SUN3: variants seen among roughly 807,000 people sequenced by gnomAD.
The protein encoded by SUN3 is Sad1 and UNC84 domain containing 3.
A neutral mutation model predicts 48.2 loss-of-function variants in SUN3; 36 were observed. That is an observed-to-expected ratio of 0.75 (90% confidence interval 0.57 to 0.99). SUN3 has a LOEUF of 0.99. SUN3 is among the 50% of genes least tolerant of loss of function. The pLI, the probability that SUN3 is intolerant of heterozygous loss-of-function variation, is 0.00. For missense variants in SUN3, 419 were observed against 433.1 expected, an observed-to-expected ratio of 0.97 and a Z score of 0.29; for synonymous variants, 148 against 147.9, an observed-to-expected ratio of 1.00 and a Z score of 0.00.
At chr7:48,031,623 T>C (rs1259302128), upstream of SUN3, among the ~76,000 whole-genome samples, 2 of 152,228 alleles carry the variant, frequency 1.3e-5, no homozygotes, top group African/African-American at 2.4e-5. Context: ...ATACTCATTA[T>C]GAAAAACAGT....
chr7:48,024,930 T>C (rs1294285278), intron 2 of SUN3, among the ~76,000 whole-genome samples: 1 of 152,154 alleles, frequency 6.6e-6, no homozygotes, highest in Non-Finnish European at 1.5e-5. Context: ...AATTTCAACA[T>C]GAGGTTTGGG....
chr7:48,008,104 G>A (rs1308771596), intron 4 of SUN3, among the ~76,000 whole-genome samples: 7 of 152,090 alleles, frequency 4.6e-5, no homozygotes, highest in Non-Finnish European at 7.3e-5. Flanking sequence ...GATTACAGGC[G>A]TGAGCCACCA....
chr7:47,997,130 C>G (rs1352190598), intron 6 of SUN3, among the ~76,000 whole-genome samples: 1 of 152,040 alleles, frequency 6.6e-6, no homozygotes, highest in Non-Finnish European at 1.5e-5. Flanking sequence ...AGATGACACA[C>G]TTTTTGAAAT....
intron 2 of SUN3, among the ~76,000 whole-genome samples, chr7:48,019,977 C>CAAAAAAAAAAAAAAAAAAAA (rs869166401): frequency 2.2e-4 from 14 of 64,146 alleles, no homozygotes; most frequent in East Asian, 1.3e-3. Flanking sequence ...AAAGACACAT[C>CAAAAAAAAAAAAAAAAAAAA]AAAAAAAAAA....
In SUN3 at chr7:47,994,356, A is replaced by G; in HGVS notation, c.820T>C (p.Ser274Pro). 6.2e-7 allele frequency: 1 copy of G among 1,613,634 alleles called. No homozygotes were observed. Among genetic ancestry groups the G allele is most frequent in the Non-Finnish European group, 8.5e-7 (1 of 1,179,872 alleles). ...TTGGGTGCACTGGAGATGTTTCCTG[A>G]CGGAGACACCTTCTCTGAGATGTGC... ...MEHISEKVSP[S>P]GNISSAPKEF... is the part of the protein sequence containing the mutation. The change falls in exon 8 of 10, where the codon TCA becomes CCA. Residue 274 changes from serine to proline, a missense_variant. Coordinates refer to ENST00000297325, the MANE Select transcript of SUN3 (RefSeq NM_001030019.2).
intron 2 of SUN3, among the ~76,000 whole-genome samples, chr7:48,022,178 T>C (rs568116776): frequency 6.6e-6 from 1 of 152,148 alleles, no homozygotes; most frequent in African/African-American, 2.4e-5. Context: ...GAAAGACAAA[T>C]ATCACATGTT....
At chr7:48,021,205 A>G (rs1789985340) in intron 2 of SUN3, among the ~76,000 whole-genome samples, 1 of 152,202 alleles carries the variant, frequency 6.6e-6, no homozygotes, top group South Asian at 2.1e-4. Flanking sequence ...CTAGATATTC[A>G]TATGCAGAAG....
At chr7:47,991,075 T>C (rs1244188953) in intron 8 of SUN3, 1 of 454,584 alleles carries the variant, frequency 2.2e-6, no homozygotes. Flanking sequence ...AAAAAACAAA[T>C]AAACAACAAA....
rs111816949 is a variant in SUN3, at chr7:48,021,196, T to C, written c.185-3831A>G. Among the ~76,000 whole-genome samples the C allele has an allele frequency of 3.0e-3, 454 of 152,272 alleles. 7 individuals are homozygous for C. Among genetic ancestry groups the C allele is most frequent in the African/African-American group, 0.01 (423 of 41,566 alleles). On this transcript the variant is annotated intron_variant, in intron 2 of 9. Transcript: ENST00000297325. ...CTTCAATAAATGGTGCTGGGAAAACTAGATATTCATATGCAGAAGAATGAA... is the reference window on the plus strand; with the variant it reads ...CTTCAATAAATGGTGCTGGGAAAACCAGATATTCATATGCAGAAGAATGAA...
intron 3 of SUN3, among the ~76,000 whole-genome samples, chr7:48,011,937 G>T (rs1789694642): frequency 6.6e-6 from 1 of 152,226 alleles, no homozygotes; most frequent in African/African-American, 2.4e-5. Flanking sequence ...GAGCATCACA[G>T]CAACCAAATG....
chr7:47,990,605 C>T (rs969074010), intron 8 of SUN3, among the ~76,000 whole-genome samples: 9 of 152,192 alleles, frequency 5.9e-5, no homozygotes, highest in East Asian at 1.9e-4. Context: ...TGACGAGAAA[C>T]GCCCACAGGT....
intron 6 of SUN3, among the ~76,000 whole-genome samples, chr7:47,997,106 C>A (rs988383487): frequency 6.6e-6 from 1 of 150,766 alleles, no homozygotes; most frequent in Non-Finnish European, 1.5e-5. Context: ...AGCTGATTAT[C>A]TATACTTTTC....
chr7:48,002,322 C>T, intron 6 of SUN3, among the ~76,000 whole-genome samples: 1 of 144,430 alleles, frequency 6.9e-6, no homozygotes, highest in Non-Finnish European at 1.5e-5. Flanking sequence ...CCACGCCCGG[C>T]TAATTTTTTG....
Position 48,007,155 on chromosome 7 carries a change from C to T in SUN3, c.492+10G>A. 3 of 1,610,244 alleles carry T rather than the reference C, an allele frequency of 1.9e-6. No homozygotes were observed. The highest frequency in any genetic ancestry group is 2.5e-6 in the Non-Finnish European group (3 of 1,177,992). On this transcript the variant is annotated intron_variant, in intron 5 of 9. Coordinates refer to ENST00000297325, the MANE Select transcript of SUN3 (RefSeq NM_001030019.2). ...CCACCCTGCCCAACCCGCCTAGCCT[C>T]ATCCAGGACCTCTGTGTGGTCCGGG...
chr7:48,028,725 G>A, intron 1 of SUN3, 92 bp downstream of exon 1: 3 of 1,495,736 alleles, frequency 2.0e-6, no homozygotes, highest in South Asian at 1.3e-5. Flanking sequence ...AAATACTGTC[G>A]GGTAACAGGT....
intron 3 of SUN3, among the ~76,000 whole-genome samples, chr7:48,016,263 C>T (rs1227782320): frequency 1.3e-5 from 2 of 152,204 alleles, no homozygotes; most frequent in African/African-American, 4.8e-5. Flanking sequence ...CAAGCCCCTA[C>T]CTGCCAAACT....
chr7:48,004,629 C>T (rs986149004), intron 6 of SUN3, among the ~76,000 whole-genome samples: 1 of 152,260 alleles, frequency 6.6e-6, no homozygotes, highest in East Asian at 1.9e-4. Flanking sequence ...CTTTGCCTTC[C>T]AGGCTTTCTG....
At chr7:48,031,870 G>A (rs1379626029), upstream of SUN3, among the ~76,000 whole-genome samples, 3 of 92,730 alleles carry the variant, frequency 3.2e-5, no homozygotes, top group East Asian at 2.3e-4. Flanking sequence ...ACACACACAC[G>A]GTGGGTGTGT....
At chr7:48,005,064 T>C (rs565088000) in intron 6 of SUN3, among the ~76,000 whole-genome samples, 1 of 152,368 alleles carries the variant, frequency 6.6e-6, no homozygotes, top group Non-Finnish European at 1.5e-5. Context: ...GCACCTACAT[T>C]CGTCATCATA....
Sources: gnomAD v4.1 joint callset for allele counts (sites outside exome capture counted in the v4.1 genomes callset) on GRCh38, gnomAD v4.1.1 for gene constraint, MANE v1.5 for transcripts, NCBI Gene and HGNC (gene_info 2026-07-23, HGNC 2026-07-21) for gene names.